FMNL2: variants seen among roughly 807,000 people sequenced by gnomAD.
FMNL2 encodes formin-like protein 2.
In FMNL2, 51 loss-of-function variants were observed where a neutral mutation model predicts 130.2. That is an observed-to-expected ratio of 0.39 (90% CI 0.31 to 0.49). FMNL2 has a LOEUF of 0.49. FMNL2 is among the 20% of genes least tolerant of loss of function. The pLI is 0.85. For missense variants in FMNL2, 977 were observed against 1,316.2 expected, an observed-to-expected ratio of 0.74 and a Z score of 3.99; for synonymous variants, 465 against 467.1, an observed-to-expected ratio of 1.00 and a Z score of 0.06.
At chr2:152,353,749 T>A (rs9288090) in intron 1 of FMNL2, among the ~76,000 whole-genome samples, 126,771 of 152,144 alleles carry the variant, frequency 0.83, 53,123 homozygotes, top group Admixed American at 0.9. Context: ...AAGAAGTGGT[T>A]GTTCTGATTA....
chr2:152,605,230 C>T (rs879594871), intron 9 of FMNL2, among the ~76,000 whole-genome samples: 15 of 152,182 alleles, frequency 9.9e-5, no homozygotes, highest in Admixed American at 8.5e-4. Flanking sequence ...ATGCCCGTGT[C>T]CCCCCAGCAC....
chr2:152,383,265 C>T (rs555061297), intron 1 of FMNL2, among the ~76,000 whole-genome samples: 1 of 125,964 alleles, frequency 7.9e-6, no homozygotes, highest in South Asian at 2.7e-4. Context: ...TGGACACTTC[C>T]GTTAATCCTT....
intron 1 of FMNL2, among the ~76,000 whole-genome samples, chr2:152,389,351 C>T (rs958836916): frequency 6.6e-6 from 1 of 152,168 alleles, no homozygotes; most frequent in South Asian, 2.1e-4. Flanking sequence ...AGTAAGCTCT[C>T]TGGGACCTCT....
chr2:152,458,003 TA>T (rs1188537489), intron 1 of FMNL2, among the ~76,000 whole-genome samples: 5 of 152,244 alleles, frequency 3.3e-5, no homozygotes, highest in African/African-American at 1.2e-4. Flanking sequence ...CCCACCCAGA[TA>T]ATCCAGGATA....
intron 9 of FMNL2, among the ~76,000 whole-genome samples, chr2:152,586,323 A>C (rs1287349874): frequency 6.6e-6 from 1 of 152,182 alleles, no homozygotes; most frequent in Non-Finnish European, 1.5e-5. Context: ...AGGCTTCCTA[A>C]GAAAGCTGAT....
chr2:152,610,139 G>A (rs540460164), intron 10 of FMNL2, among the ~76,000 whole-genome samples: 129 of 152,228 alleles, frequency 8.5e-4, no homozygotes, highest in African/African-American at 3.0e-3. Context: ...CTGTTGATAG[G>A]GAAGAGTTCA....
intron 1 of FMNL2, among the ~76,000 whole-genome samples, chr2:152,468,846 AG>A (rs1409156161): frequency 1.3e-5 from 2 of 152,208 alleles, no homozygotes; most frequent in Non-Finnish European, 2.9e-5. Flanking sequence ...AGGTGATTTG[AG>A]GGTGGGAGCT....
At chr2:152,367,186 C>T (rs1683608545) in intron 1 of FMNL2, among the ~76,000 whole-genome samples, 1 of 151,588 alleles carries the variant, frequency 6.6e-6, no homozygotes, top group Non-Finnish European at 1.5e-5. Context: ...AGCAATTCTC[C>T]TACCTTAGCC....
At chr2:152,421,037 A>T (rs984106992) in intron 1 of FMNL2, among the ~76,000 whole-genome samples, 1 of 152,186 alleles carries the variant, frequency 6.6e-6, no homozygotes, top group Non-Finnish European at 1.5e-5. Context: ...TTTTGGAAAC[A>T]CATAATACTG....
intron 22 of FMNL2, among the ~76,000 whole-genome samples, chr2:152,637,101 A>G (rs963795836): frequency 6.6e-6 from 1 of 152,214 alleles, no homozygotes; most frequent in African/African-American, 2.4e-5. Context: ...GCAATCTTGT[A>G]TCATGGAAGA....
chr2:152,415,825 A>G (rs535700575), intron 1 of FMNL2, among the ~76,000 whole-genome samples: 1 of 152,334 alleles, frequency 6.6e-6, no homozygotes, highest in South Asian at 2.1e-4. Context: ...TCTTCACCAA[A>G]GGGACATGGT....
At chr2:152,394,931 C>A (rs1685312808) in intron 1 of FMNL2, among the ~76,000 whole-genome samples, 1 of 152,142 alleles carries the variant, frequency 6.6e-6, no homozygotes, top group Admixed American at 6.5e-5. Flanking sequence ...GCATGGCTTT[C>A]TTGCTCCTGA....
At chr2:152,552,414 G>T (rs923769675) in intron 4 of FMNL2, among the ~76,000 whole-genome samples, 1 of 152,102 alleles carries the variant, frequency 6.6e-6, no homozygotes. Context: ...AAAAAGGAGG[G>T]ATTACATTTA....
At position 152,456,935 on chromosome 2, in the gene FMNL2, T is replaced by TA. The variant is rs1558878838; in HGVS notation, c.118-65008_118-65007insA. Among the ~76,000 whole-genome samples, 978 of 130,762 alleles carry TA rather than the reference T, an allele frequency of 7.5e-3. 12 individuals carry two copies. The highest frequency in any genetic ancestry group is 0.029 in the African/African-American group (925 of 31,564). 85.8% of individuals were successfully genotyped at this position (130,762 alleles called of 152,430 possible). On this transcript the variant is annotated intron_variant, in intron 1 of 25. Coordinates refer to ENST00000288670, the MANE Select transcript of FMNL2 (RefSeq NM_052905.4). ...CCTGATGACAGAGTGAGACTCCCTT[T>TA]CAAAAAAAAAAAAAAAAAAATTGCT...
At position 152,619,554 on chromosome 2, in the gene FMNL2, C is replaced by CACCCCCCCCCCCA; in HGVS notation, c.1673_1674insACCCCCCCCCCCA (p.Pro564SerfsTer21). On this transcript the variant is annotated frameshift_variant, in exon 15 of 26. Coordinates refer to ENST00000288670, the MANE Select transcript of FMNL2 (RefSeq NM_052905.4). LOFTEE classifies it high-confidence loss of function. ...CCACCTATGCCACCGCCGCCGCCGC[C>CACCCCCCCCCCCA]CCCTCCTCCACCTCCTCCTCCCCCA... 1 of 1,529,458 alleles carries CACCCCCCCCCCCA rather than the reference C, an allele frequency of 6.5e-7. No homozygotes were observed. Among genetic ancestry groups the CACCCCCCCCCCCA allele is most frequent in the South Asian group, 1.2e-5 (1 of 82,720 alleles). 94.7% of individuals were successfully genotyped at this position (1,529,458 alleles called of 1,614,324 possible).
intron 20 of FMNL2, among the ~76,000 whole-genome samples, chr2:152,631,179 A>C (rs568565113): frequency 1.3e-5 from 2 of 152,214 alleles, no homozygotes; most frequent in South Asian, 4.2e-4. Flanking sequence ...TGAGGTCAGG[A>C]GTTTGAGAGC....
At chr2:152,385,500 C>G (rs182766485) in intron 1 of FMNL2, among the ~76,000 whole-genome samples, 1 of 152,076 alleles carries the variant, frequency 6.6e-6, no homozygotes, top group Admixed American at 6.5e-5. Flanking sequence ...TAAACTGTGC[C>G]GTGATTAGAA....
chr2:152,607,619 C>T (rs996473272), intron 10 of FMNL2: 11 of 488,270 alleles, frequency 2.3e-5, no homozygotes, highest in African/African-American at 7.7e-5. Context: ...CTTACATACA[C>T]GGTATAGTAA....
At chr2:152,463,830 G>T (rs548203067) in intron 1 of FMNL2, among the ~76,000 whole-genome samples, 24 of 151,210 alleles carry the variant, frequency 1.6e-4, no homozygotes, top group African/African-American at 5.6e-4. Context: ...ATTGAATGTT[G>T]TTTTTTTTTC....
Sources: gnomAD v4.1 joint callset for allele counts (sites outside exome capture counted in the v4.1 genomes callset) on GRCh38, gnomAD v4.1.1 for gene constraint, MANE v1.5 for transcripts, NCBI Gene and HGNC (gene_info 2026-07-23, HGNC 2026-07-21) for gene names.